The following CCT6B variants were observed in gnomAD, a reference collection of about 807,000 sequenced individuals.
CCT6B encodes chaperonin containing TCP1 subunit 6B, also known as probable T-complex protein 1 subunit zeta-2.
A neutral mutation model predicts 61.5 loss-of-function variants in CCT6B; 49 were observed. That is an observed-to-expected ratio of 0.80 (90% CI 0.63 to 1.01). The LOEUF (loss-of-function observed/expected upper bound fraction) is 1.01, where lower values mean the gene tolerates loss of function less well. Ranked by LOEUF, CCT6B falls within the 50% of genes least tolerant of loss-of-function variation. The probability of loss-of-function intolerance (pLI) is 0.00; values close to 1 mark genes in which losing one functional copy is unlikely to be tolerated. For synonymous variants in CCT6B, 228 were observed against 214.5 expected (o/e 1.06, Z -0.55); for missense variants, 666 against 634.7 (o/e 1.05, Z -0.53).
rs528542935 is a variant in CCT6B, at chr17:34,961,431, A to C, written c.-38T>G. ...CAGAGGGAGAAAAAAAAAAAGCCTT[A>C]GTCGCGATTCTGAGCAAAAACGGCA... is the stretch of plus-strand genomic sequence containing the variant. On this transcript the variant is annotated 5_prime_UTR_variant, in exon 1 of 14. Transcript: ENST00000314144. The C allele has an allele frequency of 1.9e-6, 3 of 1,565,416 alleles. No homozygotes were observed. Among genetic ancestry groups the C allele is most frequent in the African/African-American group, 2.8e-5 (2 of 72,534 alleles).
At chr17:34,951,285 T>C (rs1225117263) in intron 5 of CCT6B, among the ~76,000 whole-genome samples, 1 of 150,072 alleles carries the variant, frequency 6.7e-6, no homozygotes, top group Non-Finnish European at 1.5e-5. Context: ...AGGGGGTTTA[T>C]GTTTTATGGA....
At chr17:34,960,843 A>T (rs572888817) in intron 1 of CCT6B, among the ~76,000 whole-genome samples, 1 of 152,338 alleles carries the variant, frequency 6.6e-6, no homozygotes, top group Admixed American at 6.5e-5. Flanking sequence ...ATTTGACCCC[A>T]TGCCTTCCTG....
At chr17:34,929,543 T>C (rs2090011743) in intron 12 of CCT6B, among the ~76,000 whole-genome samples, 1 of 150,730 alleles carries the variant, frequency 6.6e-6, no homozygotes, top group African/African-American at 2.4e-5. Flanking sequence ...GACAGAGATC[T>C]TGCTCTGTCA....
chr17:34,959,230 C>G (rs1009629346), intron 2 of CCT6B, among the ~76,000 whole-genome samples: 2 of 146,744 alleles, frequency 1.4e-5, no homozygotes, highest in African/African-American at 5.0e-5. Flanking sequence ...CTCAAGTGAT[C>G]CTCTCACCTC....
chr17:34,932,868 G>A (rs968673750), intron 10 of CCT6B, among the ~76,000 whole-genome samples: 1 of 152,020 alleles, frequency 6.6e-6, no homozygotes, highest in African/African-American at 2.4e-5. Flanking sequence ...TCCAACCTCT[G>A]CCTTCCAGGT....
intron 5 of CCT6B, among the ~76,000 whole-genome samples, chr17:34,947,502 A>G (rs562795586): frequency 1.3e-5 from 2 of 152,362 alleles, no homozygotes; most frequent in East Asian, 3.9e-4. Context: ...ATCTTCAATC[A>G]GCTGAAAGAA....
intron 10 of CCT6B, among the ~76,000 whole-genome samples, chr17:34,935,849 T>C (rs2090087157): frequency 6.7e-6 from 1 of 148,154 alleles, no homozygotes; most frequent in South Asian, 2.3e-4. Flanking sequence ...GAAGTGAGAC[T>C]TCATCTCAAA....
At chr17:34,948,671 G>A (rs924224144) in intron 5 of CCT6B, among the ~76,000 whole-genome samples, 5 of 145,760 alleles carry the variant, frequency 3.4e-5, no homozygotes, top group African/African-American at 5.1e-5. Flanking sequence ...CCAAGATCAC[G>A]CCATTGCACT....
intron 5 of CCT6B, 176 bp from the exon 6 acceptor site, chr17:34,943,082 A>C: frequency 1.9e-6 from 1 of 519,838 alleles, no homozygotes. Context: ...GGGTCTTGCT[A>C]TGATGTCCAG....
rs770287468 is a variant in CCT6B, at chr17:34,931,061, T to C, written c.1348-10A>G. 1.9e-6 allele frequency: 2 copies of C among 1,079,072 alleles called. No individual in the cohort carries two copies. The highest frequency in any genetic ancestry group is 3.4e-5 in the South Asian group (2 of 58,934). 66.8% of individuals were successfully genotyped at this position (1,079,072 alleles called of 1,614,324 possible). Reference sequence around the variant, plus strand: ...CATTCTGAGCAAGAACCTTTAGGAATAAAAATAATAATATATATTATATAT... The same window carrying C: ...CATTCTGAGCAAGAACCTTTAGGAACAAAAATAATAATATATATTATATAT... On this transcript the variant is annotated splice_polypyrimidine_tract_variant and intron_variant, in intron 11 of 13. Transcript: ENST00000314144.
At chr17:34,954,986 A>C (rs1250101799) in intron 3 of CCT6B, among the ~76,000 whole-genome samples, 1 of 152,228 alleles carries the variant, frequency 6.6e-6, no homozygotes. Flanking sequence ...GATCAAAGTT[A>C]ACATCACAAT....
At position 34,939,119 on chromosome 17, in the gene CCT6B, A is replaced by G. The variant is rs575580518; in HGVS notation, c.1213+64T>C. The G allele has an allele frequency of 2.2e-4, 253 of 1,133,918 alleles. No individual in the cohort carries two copies. In the East Asian group the frequency reaches 4.0e-3, roughly 18 times the overall value. 70.2% of individuals were successfully genotyped at this position (1,133,918 alleles called of 1,614,324 possible). ...TATATACATACATAGGTGTGTGTGT[A>G]TATATATATACATATATACACACAT... is the stretch of plus-strand genomic sequence containing the variant. On this transcript the variant is annotated intron_variant, in intron 10 of 13. Coordinates refer to ENST00000314144, the MANE Select transcript of CCT6B (RefSeq NM_006584.4).
At position 34,959,664 on chromosome 17, in the gene CCT6B, AATG is replaced by A. The variant is rs776882431; in HGVS notation, c.138-17_138-15del. 2.1e-5 allele frequency: 33 copies of A among 1,588,398 alleles called. 1 individual carries two copies. In the South Asian group the frequency reaches 3.1e-4, roughly 15 times the overall value. ...CCAGAAACAAGCCTGTTCAGAGAAG[AATG>A]ATATTAACTTCATGTGGTAGGAAGA... is the stretch of plus-strand genomic sequence containing the variant. On this transcript the variant is annotated splice_polypyrimidine_tract_variant and intron_variant, in intron 1 of 13. Coordinates refer to ENST00000314144, the MANE Select transcript of CCT6B (RefSeq NM_006584.4).
At chr17:34,954,188 C>A (rs1341575110) in intron 4 of CCT6B, among the ~76,000 whole-genome samples, 1 of 152,046 alleles carries the variant, frequency 6.6e-6, no homozygotes, top group African/African-American at 2.4e-5. Context: ...GGCAGCCAAA[C>A]CTCTCCCACC....
intron 12 of CCT6B, among the ~76,000 whole-genome samples, chr17:34,929,620 T>C (rs2142130840): frequency 6.6e-6 from 1 of 151,944 alleles, no homozygotes; most frequent in Admixed American, 6.6e-5. Flanking sequence ...TTCAAGCAAT[T>C]CTCCTGACTC....
intron 9 of CCT6B, 82 bp from the exon 10 acceptor site, chr17:34,939,412 A>AATT: frequency 1.2e-5 from 14 of 1,204,398 alleles, no homozygotes; most frequent in Non-Finnish European, 1.4e-5. Context: ...TACAATCTTC[A>AATT]TTTGAATTTT....
At chr17:34,942,057 AC>A (rs1427041435) in intron 7 of CCT6B, among the ~76,000 whole-genome samples, 1 of 152,048 alleles carries the variant, frequency 6.6e-6, no homozygotes, top group Non-Finnish European at 1.5e-5. Context: ...AAAAAAAAAA[AC>A]AGTGCTTTGT....
At chr17:34,928,455 T>A (rs1184178247) in intron 13 of CCT6B, among the ~76,000 whole-genome samples, 2 of 152,144 alleles carry the variant, frequency 1.3e-5, no homozygotes, top group Non-Finnish European at 2.9e-5. Flanking sequence ...GTATTTTTAG[T>A]AGAGACAGGG....
At chr17:34,939,513 AG>A in intron 9 of CCT6B, 103 bp downstream of exon 9, 1 of 874,084 alleles carries the variant, frequency 1.1e-6, no homozygotes, top group Non-Finnish European at 1.8e-6. Context: ...TCTGTGAATT[AG>A]ATCTCAAAAC....
Sources: allele counts gnomAD v4.1 joint callset (sites outside exome capture counted in the v4.1 genomes callset), GRCh38; gene constraint gnomAD v4.1.1; transcripts MANE v1.5; gene names NCBI Gene and HGNC (gene_info 2026-07-23, HGNC 2026-07-21).